ELAPOR2: variants seen among roughly 807,000 people sequenced by gnomAD.
ELAPOR2 encodes endosome-lysosome associated apoptosis and autophagy regulator family member 2, also known as endosome/lysosome-associated apoptosis and autophagy regulator family member 2.
A neutral mutation model predicts 120.7 loss-of-function variants in ELAPOR2; 89 were observed. The observed-to-expected ratio is 0.74, with a 90% CI of 0.62 to 0.88. The LOEUF is 0.88. ELAPOR2 is among the 40% of genes least tolerant of loss of function. The pLI, the probability that ELAPOR2 is intolerant of heterozygous loss-of-function variation, is 0.00. For missense variants in ELAPOR2, 1,134 were observed against 1,251.6 expected, an observed-to-expected ratio of 0.91 and a Z score of 1.42; for synonymous variants, 444 against 444.9, an observed-to-expected ratio of 1.00 and a Z score of 0.03.
chr7:87,041,351 G>A (rs953556434), intron 1 of ELAPOR2, among the ~76,000 whole-genome samples: 5 of 152,024 alleles, frequency 3.3e-5, no homozygotes, highest in Non-Finnish European at 7.4e-5. Context: ...AAATGTTAAG[G>A]GCAGCCAGAG....
intron 4 of ELAPOR2, 122 bp from the exon 5 acceptor site, chr7:86,942,226 T>C (rs1037008685): frequency 1.8e-6 from 1 of 543,300 alleles, no homozygotes; most frequent in South Asian, 2.9e-5. Context: ...CCATGAGTAA[T>C]TCTCAATAAG....
At chr7:86,958,550 C>T (rs552133952) in intron 2 of ELAPOR2, among the ~76,000 whole-genome samples, 1 of 152,140 alleles carries the variant, frequency 6.6e-6, no homozygotes, top group African/African-American at 2.4e-5. Context: ...AGCAGCCGGC[C>T]GATTGAGTTG....
chr7:86,940,306 T>G (rs1369160127), intron 5 of ELAPOR2, among the ~76,000 whole-genome samples, 191 bp from the exon 6 acceptor site: 1 of 152,052 alleles, frequency 6.6e-6, no homozygotes, highest in Non-Finnish European at 1.5e-5. Context: ...AAAATGGAGT[T>G]TGCTAATCCA....
rs191437154 is a variant in ELAPOR2 at position 86,911,019 on chromosome 7, T to C, written c.2170-1018A>G. Among the ~76,000 whole-genome samples the C allele has an allele frequency of 1.6e-3, 236 of 151,168 alleles. 1 individual carries two copies. The highest frequency in any genetic ancestry group is 3.2e-3 in the Admixed American group (48 of 15,190). The stretch of plus-strand genomic sequence containing the variant: ...ACTGGGGAAAGAAAAAGGAAAATAG[T>C]GGAAGCTAAAAGGAAAGAAACAAGA... On this transcript the variant is annotated intron_variant, in intron 15 of 21. Transcript: ENST00000450689.
In ELAPOR2 at chr7:86,915,375, C is replaced by G. The variant is rs533534608; in HGVS notation, c.1594-515G>C. Among the ~76,000 whole-genome samples the G allele has an allele frequency of 3.3e-5, 5 of 151,990 alleles. No homozygotes were observed. The South Asian group carries it at 1.0e-3, about 32-fold the overall frequency. On this transcript the variant is annotated intron_variant, in intron 12 of 21. Transcript: ENST00000450689. ...TGACTTTATCCAAGTGCATGTTAAG[C>G]AGAATGTTATTTAATGTTCATGAAA...
chr7:86,989,240 T>A (rs1421940984), intron 1 of ELAPOR2, among the ~76,000 whole-genome samples: 1 of 152,228 alleles, frequency 6.6e-6, no homozygotes, highest in Non-Finnish European at 1.5e-5. Flanking sequence ...GCAGGCTGTA[T>A]GTGCTAGGCT....
At chr7:86,887,684 C>G (rs530231618) in intron 21 of ELAPOR2, among the ~76,000 whole-genome samples, 2 of 152,170 alleles carry the variant, frequency 1.3e-5, no homozygotes, top group African/African-American at 4.8e-5. Flanking sequence ...TGTCCAAAAG[C>G]ATATGGTACT....
intron 1 of ELAPOR2, among the ~76,000 whole-genome samples, chr7:87,043,907 CG>C (rs1199161957): frequency 2.6e-5 from 4 of 151,884 alleles, no homozygotes; most frequent in African/African-American, 9.7e-5. Context: ...GCAACTTCAG[CG>C]AAGTCTCAGG....
intron 1 of ELAPOR2, among the ~76,000 whole-genome samples, chr7:87,009,541 A>G (rs572378146): frequency 6.6e-5 from 10 of 152,294 alleles, no homozygotes; most frequent in African/African-American, 2.4e-4. Flanking sequence ...TAATATAGTC[A>G]GTGGAGTACC....
At chr7:86,958,959 G>A (rs994529874) in intron 2 of ELAPOR2, among the ~76,000 whole-genome samples, 4 of 152,072 alleles carry the variant, frequency 2.6e-5, no homozygotes, top group Non-Finnish European at 4.4e-5. Flanking sequence ...TCCAATCTAC[G>A]AGCATGGGAT....
chr7:86,919,072 A>G lies in ELAPOR2; in HGVS notation c.1490+148T>C, dbSNP rs185154786. The G allele has an allele frequency of 1.8e-5, 10 of 554,064 alleles. 1 individual carries two copies. The highest frequency in any genetic ancestry group is 9.5e-5 in the African/African-American group (5 of 52,546). 34.3% of individuals were successfully genotyped at this position (554,064 alleles called of 1,614,324 possible). On this transcript the variant is annotated intron_variant, in intron 11 of 21. Transcript: ENST00000450689. Reference sequence around the variant, plus strand: ...TCACTACTTCTACAGATATTCTTCAATATAATACATTACCCTGTGACAGCT... The same window carrying G: ...TCACTACTTCTACAGATATTCTTCAGTATAATACATTACCCTGTGACAGCT...
chr7:86,988,210 G>C (rs1767703), intron 1 of ELAPOR2, among the ~76,000 whole-genome samples: 9 of 151,852 alleles, frequency 5.9e-5, no homozygotes, highest in South Asian at 2.1e-4. Flanking sequence ...GGTCAGGTGT[G>C]GGGGGAGGGA....
At chr7:86,984,052 G>A (rs1286829042) in intron 1 of ELAPOR2, among the ~76,000 whole-genome samples, 2 of 152,142 alleles carry the variant, frequency 1.3e-5, no homozygotes, top group African/African-American at 4.8e-5. Flanking sequence ...CCTGGTCTCT[G>A]ATAAAACAGA....
intron 1 of ELAPOR2, among the ~76,000 whole-genome samples, chr7:86,991,027 A>C (rs1792927543): frequency 1.3e-5 from 2 of 152,224 alleles, no homozygotes; most frequent in Non-Finnish European, 2.9e-5. Flanking sequence ...CTGAGCTGTA[A>C]ATGAACACAC....
chr7:87,037,188 C>T (rs1425990777), intron 1 of ELAPOR2, among the ~76,000 whole-genome samples: 1 of 152,058 alleles, frequency 6.6e-6, no homozygotes, highest in Non-Finnish European at 1.5e-5. Context: ...GTGACCTCAT[C>T]AACATCAATG....
At chr7:86,965,813 C>T (rs1791882983) in intron 1 of ELAPOR2, 1 of 985,214 alleles carries the variant, frequency 1.0e-6, no homozygotes, top group Non-Finnish European at 1.2e-6. Flanking sequence ...CAATACCTTA[C>T]TTATTCAGTT....
intron 21 of ELAPOR2, among the ~76,000 whole-genome samples, chr7:86,888,488 G>A (rs1584306557): frequency 1.3e-5 from 2 of 152,026 alleles, no homozygotes; most frequent in African/African-American, 4.8e-5. Context: ...TCAAATCATG[G>A]CAAAGGCCTT....
chr7:87,052,053 A>G (rs1795117126), intron 1 of ELAPOR2, among the ~76,000 whole-genome samples: 1 of 152,238 alleles, frequency 6.6e-6, no homozygotes, highest in Non-Finnish European at 1.5e-5. Context: ...GGAGTTTCTA[A>G]GACACCCTGC....
intron 10 of ELAPOR2, among the ~76,000 whole-genome samples, chr7:86,921,566 C>T (rs1200878364): frequency 6.6e-6 from 1 of 152,072 alleles, no homozygotes; most frequent in African/African-American, 2.4e-5. Flanking sequence ...AGACTTCTGG[C>T]CTCTAGAACT....
Sources: allele counts gnomAD v4.1 joint callset (sites outside exome capture counted in the v4.1 genomes callset), GRCh38; gene constraint gnomAD v4.1.1; transcripts MANE v1.5; gene names NCBI Gene and HGNC (gene_info 2026-07-23, HGNC 2026-07-21).